Variants in ITPKB observed in about 807,000 individuals in gnomAD.
ITPKB encodes the protein inositol-trisphosphate 3-kinase B, also known as IP3 3-kinase B.
In ITPKB, 13 loss-of-function variants were observed where a neutral mutation model predicts 69.4. The observed-to-expected ratio is 0.19, with a 90% CI of 0.12 to 0.30. The LOEUF is 0.30. ITPKB is among the 10% of genes least tolerant of loss of function. The pLI is 1.00. For synonymous variants in ITPKB, 584 were observed against 513.7 expected, an observed-to-expected ratio of 1.14 and a Z score of -1.85; for missense variants, 1,240 against 1,250.5, an observed-to-expected ratio of 0.99 and a Z score of 0.13.
At chr1:226,643,736 G>C (rs949149593) in intron 4 of ITPKB, among the ~76,000 whole-genome samples, 2 of 152,266 alleles carry the variant, frequency 1.3e-5, no homozygotes, top group African/African-American at 4.8e-5. Flanking sequence ...TCCAGGAGGT[G>C]ATGAGGGCTG....
rs1159881625 is a variant in ITPKB at position 226,736,481 on chromosome 1, C to T, written c.978G>A (p.Pro326=). Residue 326 remains proline (P), a synonymous_variant, in exon 2 of 8, where the codon CCG becomes CCA. Coordinates refer to ENST00000429204, the MANE Select transcript of ITPKB (RefSeq NM_002221.4). ...CCTCAAGCTCACGGGCTCTCCCAGACGGCTCAGTGAGGGCAAGATCCTGTG... is the reference window on the plus strand; with the variant it reads ...CCTCAAGCTCACGGGCTCTCCCAGATGGCTCAGTGAGGGCAAGATCCTGTG... ...HRPQDLALTE[P]SGRARELEDL... The T allele has an allele frequency of 2.5e-6, 4 of 1,613,776 alleles. No homozygotes were observed. The highest frequency in any genetic ancestry group is 1.3e-5 in the African/African-American group (1 of 74,948).
chr1:226,687,782 C>T (rs1011187621), intron 2 of ITPKB, among the ~76,000 whole-genome samples: 2 of 152,206 alleles, frequency 1.3e-5, no homozygotes, highest in Non-Finnish European at 2.9e-5. Flanking sequence ...ATCGCCATTG[C>T]TCCTCATTGT....
chr1:226,675,941 T>C (rs1011443426), intron 2 of ITPKB, among the ~76,000 whole-genome samples: 15 of 152,168 alleles, frequency 9.9e-5, no homozygotes, highest in Admixed American at 9.8e-4. Context: ...GAAGATCCCA[T>C]AGTCTGGTCA....
chr1:226,682,823 C>T (rs1656120239), intron 2 of ITPKB, among the ~76,000 whole-genome samples: 1 of 152,170 alleles, frequency 6.6e-6, no homozygotes, highest in Admixed American at 6.5e-5. Flanking sequence ...TCTGGGGCAC[C>T]TCCAGCCTTT....
intron 4 of ITPKB, among the ~76,000 whole-genome samples, chr1:226,645,553 GC>G (rs1669043964): frequency 6.6e-6 from 1 of 152,208 alleles, no homozygotes; most frequent in South Asian, 2.1e-4. Context: ...CTTCACACAG[GC>G]CGTACTTTTT....
chr1:226,688,004 G>A (rs890935885), intron 2 of ITPKB, among the ~76,000 whole-genome samples: 4 of 152,090 alleles, frequency 2.6e-5, no homozygotes, highest in African/African-American at 9.7e-5. Context: ...AAGAAACCAG[G>A]ATAAAGCTCC....
intron 2 of ITPKB, among the ~76,000 whole-genome samples, chr1:226,694,376 T>A (rs1254509714): frequency 1.3e-5 from 2 of 152,224 alleles, no homozygotes; most frequent in African/African-American, 4.8e-5. Context: ...ATTAGGACCC[T>A]AGAAGGTTCT....
rs780653192 is a variant in ITPKB, at chr1:226,736,045, A to G, written c.1414T>C (p.Ser472Pro). 1 of 1,613,452 alleles carries G rather than the reference A, an allele frequency of 6.2e-7. No homozygotes were observed. Among genetic ancestry groups the G allele is most frequent in the African/African-American group, 1.3e-5 (1 of 74,942 alleles). Residue 472 changes from serine to proline, a missense_variant, in exon 2 of 8, where the codon TCT becomes CCT. Ser to Pro is a moderately conservative substitution (Grantham distance 74). This residue lies in a region of ITPKB where 992 missense variants were observed against 853.8 expected (regional missense o/e 1.16). Coordinates refer to ENST00000429204, the MANE Select transcript of ITPKB (RefSeq NM_002221.4). Reference sequence around the variant, plus strand: ...GGCAAAGGCTCCAGCATTCTGCCAGAAGGAATTCCCGCCTCCACATTCCCG... The same window carrying G: ...GGCAAAGGCTCCAGCATTCTGCCAGGAGGAATTCCCGCCTCCACATTCCCG... ...GTGNVEAGIP[S>P]GRMLEPLPCW...
chr1:226,738,876 G>A lies in ITPKB; in HGVS notation c.-206+165C>T, dbSNP rs1160907523. On this transcript the variant is annotated intron_variant, in intron 1 of 7. Transcript: ENST00000429204. The surrounding 1 kb of genome is among the most constrained non-coding windows in gnomAD (Gnocchi z 4.2). ...CGTCTCTCCCTATTTTCTCCCCACC[G>A]CCACTCCATGTCACCCTCCAAAATC... 6.6e-6 allele frequency among the ~76,000 whole-genome samples: 1 copy of A among 152,048 alleles called. No individual in the cohort carries two copies. Among genetic ancestry groups the A allele is most frequent in the Non-Finnish European group, 1.5e-5 (1 of 67,986 alleles).
chr1:226,686,854 T>C (rs1656227095), intron 2 of ITPKB, among the ~76,000 whole-genome samples: 1 of 152,250 alleles, frequency 6.6e-6, no homozygotes, highest in African/African-American at 2.4e-5. Context: ...TATGGCTGAC[T>C]TATCTGGCAA....
chr1:226,643,381 A>G (rs1669001607), intron 4 of ITPKB, among the ~76,000 whole-genome samples: 1 of 152,208 alleles, frequency 6.6e-6, no homozygotes, highest in Admixed American at 6.5e-5. Flanking sequence ...GAGGCTGCCC[A>G]CAGCCCTTGA....
intron 2 of ITPKB, among the ~76,000 whole-genome samples, chr1:226,664,675 G>A (rs1029836210): frequency 6.6e-6 from 1 of 152,116 alleles, no homozygotes; most frequent in African/African-American, 2.4e-5. Context: ...CATCTGTCTC[G>A]GAGTGAAGTC....
At chr1:226,697,565 G>T (rs1399995642) in intron 2 of ITPKB, among the ~76,000 whole-genome samples, 1 of 152,146 alleles carries the variant, frequency 6.6e-6, no homozygotes, top group Non-Finnish European at 1.5e-5. Context: ...AACAATAGCT[G>T]GCCATTTCTT....
intron 2 of ITPKB, among the ~76,000 whole-genome samples, chr1:226,649,406 ATG>A (rs71704131): frequency 0.14 from 20,023 of 144,274 alleles, 788 homozygotes; most frequent in East Asian, 0.29. Context: ...GTGTGTGTGC[ATG>A]TGTGATATGT....
intron 2 of ITPKB, among the ~76,000 whole-genome samples, chr1:226,717,748 C>T (rs1002706099): frequency 6.6e-6 from 1 of 152,202 alleles, no homozygotes; most frequent in Admixed American, 6.5e-5. Context: ...CAGCTCCCAC[C>T]GGGCTGCCCG....
chr1:226,691,967 C>T (rs1001611466), intron 2 of ITPKB, among the ~76,000 whole-genome samples: 1 of 152,164 alleles, frequency 6.6e-6, no homozygotes, highest in African/African-American at 2.4e-5. Context: ...CTCCCAGGTA[C>T]CTGCTGAACC....
At chr1:226,643,025 C>T (rs1668992414) in intron 4 of ITPKB, among the ~76,000 whole-genome samples, 1 of 152,166 alleles carries the variant, frequency 6.6e-6, no homozygotes, top group Non-Finnish European at 1.5e-5. Context: ...CCTGGTGCAC[C>T]CCACCCCATC....
chr1:226,648,115 G>T (rs1398283371), intron 3 of ITPKB, among the ~76,000 whole-genome samples: 1 of 152,038 alleles, frequency 6.6e-6, no homozygotes, highest in Non-Finnish European at 1.5e-5. Flanking sequence ...GCACTGCCTG[G>T]ACTCAGCTCC....
intron 2 of ITPKB, chr1:226,674,786 A>T (rs1020080715): frequency 1.3e-5 from 2 of 151,762 alleles, no homozygotes; most frequent in African/African-American, 4.9e-5. Context: ...CTCACTATCT[A>T]CCCACCAAGT....
Sources: gnomAD v4.1 joint callset for allele counts (sites outside exome capture counted in the v4.1 genomes callset) on GRCh38, gnomAD v4.1.1 for gene constraint, gnomAD v4.1.1 regional missense constraint, Gnocchi (gnomAD v3.1) non-coding constraint, MANE v1.5 for transcripts, NCBI Gene and HGNC (gene_info 2026-07-23, HGNC 2026-07-21) for gene names.